The following DNAH7 variants were observed in gnomAD, a reference collection of about 807,000 sequenced individuals.
The protein encoded by DNAH7 is axonemal beta dynein heavy chain 7.
Under a neutral mutation model 444.6 loss-of-function variants are expected in DNAH7, and 397 were observed. The observed-to-expected ratio is 0.89, with a 90% CI of 0.82 to 0.97. The LOEUF (loss-of-function observed/expected upper bound fraction) is 0.97, where lower values mean the gene tolerates loss of function less well. DNAH7 is among the 50% of genes least tolerant of loss of function. DNAH7 has a pLI of 0.00. For missense variants in DNAH7, 4,902 were observed against 4,800.8 expected (o/e 1.02, Z -0.62); for synonymous variants, 1,636 against 1,624.4 (o/e 1.01, Z -0.17).
rs1698314936 is a variant in DNAH7 at position 195,835,411 on chromosome 2, A to T, written c.8946-1051T>A. Among the ~76,000 whole-genome samples the T allele has an allele frequency of 3.3e-5, 5 of 152,222 alleles. No homozygotes were observed. The South Asian group carries it at 1.0e-3, about 32-fold the overall frequency. Reference sequence around the variant, plus strand: ...AAAAAAAAAAAAAAATTGAAAAGAAAAAAAGGTAGGGGGATATAACAGGAT... The same window carrying T: ...AAAAAAAAAAAAAAATTGAAAAGAATAAAAGGTAGGGGGATATAACAGGAT... On this transcript the variant is annotated intron_variant, in intron 47 of 64. Coordinates refer to ENST00000312428, the MANE Select transcript of DNAH7 (RefSeq NM_018897.3).
intron 54 of DNAH7, among the ~76,000 whole-genome samples, chr2:195,806,453 A>C (rs1366703825): frequency 6.6e-6 from 1 of 152,222 alleles, no homozygotes; most frequent in Non-Finnish European, 1.5e-5. Flanking sequence ...TAAGACTACA[A>C]ATATGTAAAG....
At position 195,923,705 on chromosome 2, in the gene DNAH7, G is replaced by A. The variant is rs1181381430; in HGVS notation, c.3715C>T (p.Leu1239Phe). The change falls in exon 23 of 65, where the codon CTT becomes TTT. Residue 1239 changes from leucine (L) to phenylalanine (F), a missense_variant. Physicochemically the swap from Leu to Phe is conservative, Grantham distance 22. Coordinates refer to ENST00000312428, the MANE Select transcript of DNAH7 (RefSeq NM_018897.3). Reference sequence around the variant, plus strand: ...CTAGCATGGACATCCAGTACCACAAGTGCTCCCAGAGTTACGCGATTCTGC... The same window carrying A: ...CTAGCATGGACATCCAGTACCACAAATGCTCCCAGAGTTACGCGATTCTGC... ...SMQNRVTLGA[L>F]VVLDVHARDV... 2.5e-6 allele frequency: 4 copies of A among 1,613,952 alleles called. No individual in the cohort carries two copies. Among genetic ancestry groups the A allele is most frequent in the Non-Finnish European group, 3.4e-6 (4 of 1,180,020 alleles).
At chr2:195,880,290 G>T (rs982474089) in intron 36 of DNAH7, among the ~76,000 whole-genome samples, 3 of 151,004 alleles carry the variant, frequency 2.0e-5, no homozygotes, top group Non-Finnish European at 4.4e-5. Flanking sequence ...CAAAGACTTA[G>T]CTATAAAAAC....
rs760286602 is a variant in DNAH7 at position 195,987,054 on chromosome 2, T to C, written c.1754+12A>G. 9 of 1,565,564 alleles carry C rather than the reference T, an allele frequency of 5.7e-6. No homozygotes were observed. The highest frequency in any genetic ancestry group is 7.7e-6 in the Non-Finnish European group (9 of 1,163,588). ...CTCCCAAAAAATAAAAAAACCAGTA[T>C]CACATAAATACCTTGTATTTACTTC... is the stretch of plus-strand genomic sequence containing the variant. On this transcript the variant is annotated intron_variant, in intron 14 of 64. Transcript: ENST00000312428.
chr2:195,927,530 AATT>A (rs1365830464), intron 21 of DNAH7, among the ~76,000 whole-genome samples: 2 of 151,726 alleles, frequency 1.3e-5, no homozygotes, highest in Non-Finnish European at 2.9e-5. Context: ...TAAATAAATT[AATT>A]AATTAATTAA....
chr2:195,762,053 A>G (rs1475974472), intron 61 of DNAH7, among the ~76,000 whole-genome samples: 2 of 152,184 alleles, frequency 1.3e-5, no homozygotes, highest in East Asian at 3.8e-4. Context: ...ACAGTATAAT[A>G]GGATATAAAT....
intron 46 of DNAH7, among the ~76,000 whole-genome samples, chr2:195,852,293 A>G (rs545670330): frequency 9.2e-5 from 14 of 151,976 alleles, no homozygotes; most frequent in African/African-American, 3.4e-4. Flanking sequence ...GAAAAACACC[A>G]CCACCAAGAG....
intron 49 of DNAH7, among the ~76,000 whole-genome samples, chr2:195,823,629 CTTCACTCACTCA>C (rs1173130340): frequency 6.6e-6 from 1 of 151,992 alleles, no homozygotes; most frequent in Non-Finnish European, 1.5e-5. Flanking sequence ...GAAAGCAATC[CTTCACTCACTCA>C]TTCACTCACT....
chr2:195,895,188 G>A lies in DNAH7; in HGVS notation c.4684C>T (p.Pro1562Ser), dbSNP rs1327714229. The A allele has an allele frequency of 3.1e-6, 5 of 1,610,606 alleles. No individual in the cohort carries two copies. Among genetic ancestry groups the A allele is most frequent in the Non-Finnish European group, 4.2e-6 (5 of 1,177,888 alleles). The change falls in exon 30 of 65, where the codon CCA becomes TCA. Residue 1562 changes from proline (P) to serine (S), a missense_variant. Pro to Ser is a moderately conservative substitution (Grantham distance 74, BLOSUM62 -1). Coordinates refer to ENST00000312428, the MANE Select transcript of DNAH7 (RefSeq NM_018897.3). ...TSDLFPGVKLPKPDYNDLLAA... is the reference protein window; with the variant it reads ...TSDLFPGVKLSKPDYNDLLAA... ...AGCAAATCATTGTAATCTGGTTTTG[G>A]TAATTTTACCCCAGGAAACAAATCC...
At chr2:196,058,150 A>C (rs1697925428) in intron 1 of DNAH7, 34 bp from the exon 2 acceptor site, 1 of 1,537,000 alleles carries the variant, frequency 6.5e-7, no homozygotes. Flanking sequence ...AAAACTGTTT[A>C]CTCCGTTAAT....
At position 196,058,123 on chromosome 2, in the gene DNAH7, GA is replaced by G. The variant is rs1697922936; in HGVS notation, c.16-8del. On this transcript the variant is annotated splice_region_variant and splice_polypyrimidine_tract_variant and intron_variant, in intron 1 of 64. Transcript: ENST00000312428. ...CTTTGCTGGCCGATTTATCCTGTAT[GA>G]AAAACATGAAAAAACAAAACTGTTT... is the stretch of plus-strand genomic sequence containing the variant. 1.9e-6 allele frequency: 3 copies of G among 1,564,018 alleles called. No homozygotes were observed. The highest frequency in any genetic ancestry group is 2.1e-5 in the Admixed American group (1 of 48,696).
Position 196,068,790 on chromosome 2 carries a change from G to C in DNAH7, c.-79C>G. On this transcript the variant is annotated 5_prime_UTR_variant, in exon 1 of 65. Coordinates refer to ENST00000312428, the MANE Select transcript of DNAH7 (RefSeq NM_018897.3). Reference sequence around the variant, plus strand: ...GAACCCCTAGGACGATAGAGGCAGGGCCCCGGGACTTGCAGCGGTCTCAGC... The same window carrying C: ...GAACCCCTAGGACGATAGAGGCAGGCCCCCGGGACTTGCAGCGGTCTCAGC... 2.0e-6 allele frequency: 3 copies of C among 1,519,876 alleles called. No homozygotes were observed. The highest frequency in any genetic ancestry group is 2.7e-6 in the Non-Finnish European group (3 of 1,125,070). 94.1% of individuals were successfully genotyped at this position (1,519,876 alleles called of 1,614,324 possible).
intron 6 of DNAH7, among the ~76,000 whole-genome samples, chr2:196,027,323 T>C (rs1695750534): frequency 6.6e-6 from 1 of 152,006 alleles, no homozygotes; most frequent in Non-Finnish European, 1.5e-5. Flanking sequence ...TATCTCTATA[T>C]ATTAATTCCA....
In DNAH7 at chr2:195,988,131, A is replaced by G; in HGVS notation, c.1452T>C (p.Ser484=). The change falls in exon 13 of 65, where the codon AGT becomes AGC. Residue 484 remains serine, a synonymous_variant. Coordinates refer to ENST00000312428, the MANE Select transcript of DNAH7 (RefSeq NM_018897.3). The stretch of plus-strand genomic sequence containing the variant: ...GTCTGAGGTGCTCAGTAGGTGCCAC[A>G]CTCTCTTTCATAATAACTTCCTTGA... ...EKIKEVIMKE[S]VAPTEHLRLY... is the part of the protein sequence containing the mutation. 1 of 1,613,472 alleles carries G rather than the reference A, an allele frequency of 6.2e-7. No homozygotes were observed. Among genetic ancestry groups the G allele is most frequent in the Admixed American group, 1.7e-5 (1 of 59,940 alleles).
At chr2:195,971,341 G>C (rs566703020) in intron 16 of DNAH7, among the ~76,000 whole-genome samples, 1 of 152,316 alleles carries the variant, frequency 6.6e-6, no homozygotes, top group South Asian at 2.1e-4. Flanking sequence ...CAGCATTTCT[G>C]TGTGTCAGTC....
intron 49 of DNAH7, among the ~76,000 whole-genome samples, chr2:195,821,507 G>A (rs1336750066): frequency 2.0e-5 from 3 of 152,198 alleles, no homozygotes; most frequent in Admixed American, 6.5e-5. Context: ...AGCCATGTCT[G>A]TGTCCTGGGT....
rs778091251 is a variant in DNAH7, at chr2:196,058,060, C to A, written c.72G>T (p.Leu24=). Residue 24 remains leucine (L), a synonymous_variant, in exon 2 of 65, where the codon CTG becomes CTT. Coordinates refer to ENST00000312428, the MANE Select transcript of DNAH7 (RefSeq NM_018897.3). ...TGGTATATTGGTAAATTACCATAGA[C>A]AGCTGTGGTAGAAATCTTACTGGTT... ...SKKPVRFLPQ[L]SMEKLASKEK... 6.4e-6 allele frequency: 10 copies of A among 1,557,436 alleles called. No homozygotes were observed. In the East Asian group the frequency reaches 2.1e-4, roughly 33 times the overall value.
Position 195,934,980 on chromosome 2 carries a change from A to G in DNAH7, c.3273-191T>C, listed in dbSNP as rs192449607. ...TACATGCATTATATAGTCCATTGAG[A>G]TGTCAGTATTAACTGAATAATCACA... On this transcript the variant is annotated intron_variant, in intron 20 of 64. Transcript: ENST00000312428. Among the ~76,000 whole-genome samples the G allele has an allele frequency of 2.1e-3, 315 of 152,364 alleles. 1 individual carries two copies. The highest frequency in any genetic ancestry group is 7.1e-3 in the African/African-American group (295 of 41,592).
At chr2:196,048,616 G>A (rs139811263) in intron 3 of DNAH7, among the ~76,000 whole-genome samples, 22 of 152,288 alleles carry the variant, frequency 1.4e-4, no homozygotes, top group Middle Eastern at 6.8e-3. Flanking sequence ...CTGTTGGTTG[G>A]ATGTGAATGC....
Sources: gnomAD v4.1 joint callset for allele counts (sites outside exome capture counted in the v4.1 genomes callset) on GRCh38, gnomAD v4.1.1 for gene constraint, MANE v1.5 for transcripts, NCBI Gene and HGNC (gene_info 2026-07-23, HGNC 2026-07-21) for gene names.